Variants in LRP8 observed in about 807,000 individuals in gnomAD.
LRP8 encodes the protein LDL receptor related protein 8.
In LRP8, 46 loss-of-function variants were observed where a neutral mutation model predicts 111.6. That is an observed-to-expected ratio of 0.41 (90% CI 0.33 to 0.53). The LOEUF is 0.53. Ranked by LOEUF, LRP8 falls within the 20% of genes least tolerant of loss-of-function variation. LRP8 has a pLI of 0.20. For synonymous variants in LRP8, 464 were observed against 511.2 expected (o/e 0.91, Z 1.24); for missense variants, 959 against 1,297.4 (o/e 0.74, Z 4.01).
chr1:53,250,697 T>C lies in LRP8; in HGVS notation c.2669A>G (p.Tyr890Cys). The C allele has an allele frequency of 6.2e-7, 1 of 1,613,940 alleles. No homozygotes were observed. Among genetic ancestry groups the C allele is most frequent in the Non-Finnish European group, 8.5e-7 (1 of 1,179,826 alleles). The change falls in exon 17 of 19, where the codon TAT (tyrosine) becomes TGT (cysteine). Residue 890 changes from tyrosine (Y) to cysteine (C), a missense_variant. By Grantham distance (194) the Tyr-to-Cys change is radical. Around this residue, in one of 3 missense-constraint regions of LRP8, gnomAD observed 819 missense variants for 1,097.6 expected, o/e 0.75. Transcript: ENST00000306052. This position sits in a 1 kb window ranked among gnomAD's most constrained non-coding sequence, Gnocchi z 4.6. ...CCAGTGAGAAATACTTACTGCAGGA[T>C]AGACATGGCCAATCTGAGCAGTTCT... Reference protein sequence around the residue: ...IGRTAQIGHVYPAAISSFDRP... With the variant: ...IGRTAQIGHVCPAAISSFDRP...
rs1655406862 is a variant in LRP8, at chr1:53,327,957, C to T, written c.-45G>A. On this transcript the variant is annotated 5_prime_UTR_variant, in exon 1 of 19. Coordinates refer to ENST00000306052, the MANE Select transcript of LRP8 (RefSeq NM_004631.5). ...CCGCCGCGCCCCGCGCTCCCCGCGCCGCCGCCGCCGCGTCTCAGCCCTCCG... is the reference window on the plus strand; with the variant it reads ...CCGCCGCGCCCCGCGCTCCCCGCGCTGCCGCCGCCGCGTCTCAGCCCTCCG... 1.9e-6 allele frequency: 2 copies of T among 1,066,074 alleles called. No individual in the cohort carries two copies. The highest frequency in any genetic ancestry group is 3.4e-5 in the African/African-American group (2 of 58,878). The allele number at this position is 1,066,074 out of a possible 1,614,324, so 66.0% of individuals were successfully genotyped here.
chr1:53,277,127 A>G, intron 4 of LRP8, 49 bp from the exon 5 acceptor site: 1 of 1,402,822 alleles, frequency 7.1e-7, no homozygotes, highest in Non-Finnish European at 9.2e-7. Context: ...TCCCCGGCCG[A>G]CCTGGGGCCC....
At chr1:53,278,287 C>T (rs1488175080) in intron 4 of LRP8, among the ~76,000 whole-genome samples, 1 of 152,202 alleles carries the variant, frequency 6.6e-6, no homozygotes, top group African/African-American at 2.4e-5. Flanking sequence ...CCTCACTTCC[C>T]TCCCTCCTGT....
chr1:53,298,525 G>A (rs1225005170), intron 2 of LRP8, among the ~76,000 whole-genome samples: 5 of 152,208 alleles, frequency 3.3e-5, no homozygotes, highest in Non-Finnish European at 5.9e-5. Context: ...CCCACCCTGG[G>A]TTTTGGCACT....
At chr1:53,251,351 G>C (rs1645889460) in intron 16 of LRP8, among the ~76,000 whole-genome samples, 1 of 152,088 alleles carries the variant, frequency 6.6e-6, no homozygotes, top group Non-Finnish European at 1.5e-5. Context: ...TCCCAAAACT[G>C]GGGGGTGGAG....
intron 16 of LRP8, among the ~76,000 whole-genome samples, chr1:53,252,654 T>C (rs1645935331): frequency 1.3e-5 from 2 of 152,200 alleles, no homozygotes; most frequent in Admixed American, 6.5e-5. Context: ...TCCTGTGTAA[T>C]CTATAAAATT....
intron 4 of LRP8, 125 bp from the exon 5 acceptor site, chr1:53,277,203 G>A: frequency 7.7e-7 from 1 of 1,297,112 alleles, no homozygotes; most frequent in South Asian, 1.7e-5. Flanking sequence ...TTTGGGGGCT[G>A]AATGGTGGAC....
At chr1:53,324,341 C>T (rs896321789) in intron 2 of LRP8, among the ~76,000 whole-genome samples, 3 of 152,210 alleles carry the variant, frequency 2.0e-5, no homozygotes, top group African/African-American at 7.2e-5. Flanking sequence ...CCCAACACAG[C>T]CACGTAAGCC....
rs1645739771 is a variant in LRP8 at position 53,246,777 on chromosome 1, G to A, written c.*241C>T. 2.0e-6 allele frequency: 1 copy of A among 494,608 alleles called. No homozygotes were observed. Among genetic ancestry groups the A allele is most frequent in the Non-Finnish European group, 3.5e-6 (1 of 283,994 alleles). 30.6% of individuals were successfully genotyped at this position (494,608 alleles called of 1,614,324 possible). ...ATTCCACGAATTCCTCATGGGTAGT[G>A]CAACCAGTTAAAAAGTGTATAAAAC... On this transcript the variant is annotated 3_prime_UTR_variant, in exon 19 of 19. Transcript: ENST00000306052.
chr1:53,313,519 A>G (rs898587206), intron 2 of LRP8, among the ~76,000 whole-genome samples: 1 of 152,172 alleles, frequency 6.6e-6, no homozygotes, highest in Non-Finnish European at 1.5e-5. Context: ...ACATCATGGT[A>G]TAGAGTGTGG....
At chr1:53,289,086 C>G (rs1648146271) in intron 3 of LRP8, among the ~76,000 whole-genome samples, 1 of 152,250 alleles carries the variant, frequency 6.6e-6, no homozygotes, top group South Asian at 2.1e-4. Flanking sequence ...GCAAGTCACT[C>G]AACCTCTTTG....
chr1:53,321,453 G>T (rs1267103893), intron 2 of LRP8, among the ~76,000 whole-genome samples: 2 of 152,150 alleles, frequency 1.3e-5, no homozygotes, highest in Non-Finnish European at 2.9e-5. Context: ...CATGGGCCTG[G>T]GAGTAGACCA....
chr1:53,272,438 G>GC lies in LRP8; in HGVS notation c.1007-1093dup, dbSNP rs199911825. Among the ~76,000 whole-genome samples the GC allele has an allele frequency of 2.5e-3, 375 of 152,176 alleles. 7 individuals carry two copies. In the East Asian group the frequency reaches 0.064, roughly 26 times the overall value. On this transcript the variant is annotated intron_variant, in intron 6 of 18. Transcript: ENST00000306052. The stretch of plus-strand genomic sequence containing the variant: ...AGGTGCCGCGCCCCTCTCCCCCTCT[G>GC]CCCCCCAGGCTCATGCACTGCCACT...
At position 53,266,397 on chromosome 1, in the gene LRP8, ACTC is replaced by A; in HGVS notation, c.1427+73_1427+75del. The A allele has an allele frequency of 6.7e-7, 1 of 1,487,064 alleles. No individual in the cohort carries two copies. Among genetic ancestry groups the A allele is most frequent in the Non-Finnish European group, 9.3e-7 (1 of 1,080,130 alleles). The allele number at this position is 1,487,064 out of a possible 1,614,324, so 92.1% of individuals were successfully genotyped here. ...CTGAGGAGCTCTAGAGGCAGACACC[ACTC>A]CTCCCCTCCTCACCTGTCACCACCC... On this transcript the variant is annotated intron_variant, in intron 9 of 18. Transcript: ENST00000306052. The surrounding 1 kb of genome is among the most constrained non-coding windows in gnomAD (Gnocchi z 5.0).
intron 14 of LRP8, chr1:53,257,999 C>T (rs79011101): frequency 0.012 from 2,683 of 225,958 alleles, 73 homozygotes; most frequent in African/African-American, 0.057. Flanking sequence ...ATATAGTTAT[C>T]TGCATGTACC....
In LRP8 at chr1:53,246,010, G is replaced by GA. The variant is rs1645717754; in HGVS notation, c.*1007dup. On this transcript the variant is annotated 3_prime_UTR_variant, in exon 19 of 19. Coordinates refer to ENST00000306052, the MANE Select transcript of LRP8 (RefSeq NM_004631.5). The stretch of plus-strand genomic sequence containing the variant: ...AAAGAAATTGAAGAAGTTACTCAAA[G>GA]AGCTGAACTTTAAAACAAGGAGTAG... The GA allele has an allele frequency of 6.6e-6, 1 of 152,426 alleles. No homozygotes were observed. The highest frequency in any genetic ancestry group is 2.4e-5 in the African/African-American group (1 of 41,424). The allele number at this position is 152,426 out of a possible 1,614,324, so 9.4% of individuals were successfully genotyped here.
rs7531881 is a variant in LRP8, at chr1:53,324,389, G to C, written c.244+2484C>G. Among the ~76,000 whole-genome samples the C allele has an allele frequency of 1.7e-3, 257 of 152,250 alleles. 3 individuals are homozygous for C. Among genetic ancestry groups the C allele is most frequent in the African/African-American group, 5.5e-3 (228 of 41,530 alleles). On this transcript the variant is annotated intron_variant, in intron 2 of 18. Coordinates refer to ENST00000306052, the MANE Select transcript of LRP8 (RefSeq NM_004631.5). ...TTCAGTTTCCCTTTATGGCTACCAG[G>C]AGTCCGTTTCTAAAGGCCGTGGAGG... is the stretch of plus-strand genomic sequence containing the variant.
Position 53,275,905 on chromosome 1 carries a change from C to T in LRP8, c.884-152G>A. 1 of 917,158 alleles carries T rather than the reference C, an allele frequency of 1.1e-6. No homozygotes were observed. Among genetic ancestry groups the T allele is most frequent in the Admixed American group, 2.5e-5 (1 of 40,760 alleles). 56.8% of individuals were successfully genotyped at this position (917,158 alleles called of 1,614,324 possible). On this transcript the variant is annotated intron_variant, in intron 5 of 18. Coordinates refer to ENST00000306052, the MANE Select transcript of LRP8 (RefSeq NM_004631.5). This position sits in a 1 kb window ranked among gnomAD's most constrained non-coding sequence, Gnocchi z 4.4. The stretch of plus-strand genomic sequence containing the variant: ...CCTCAAAGGACACCTGGCCAAGGCA[C>T]CTCAGTGTACAGATGGGGAGACTGA...
At chr1:53,276,180 G>A (rs770714376) in intron 5 of LRP8, among the ~76,000 whole-genome samples, 3 of 152,100 alleles carry the variant, frequency 2.0e-5, no homozygotes, top group Non-Finnish European at 4.4e-5. Context: ...AGACTCCTAA[G>A]AGCCTCCTCA....
Sources: gnomAD v4.1 joint callset for allele counts (sites outside exome capture counted in the v4.1 genomes callset) on GRCh38, gnomAD v4.1.1 for gene constraint, gnomAD v4.1.1 regional missense constraint, Gnocchi (gnomAD v3.1) non-coding constraint, MANE v1.5 for transcripts, NCBI Gene and HGNC (gene_info 2026-07-23, HGNC 2026-07-21) for gene names.